The following SYT1 variants were observed in gnomAD, a reference collection of about 807,000 sequenced individuals.
The protein encoded by SYT1 is synaptotagmin 1, also known as synaptotagmin-1.
In SYT1, 8 loss-of-function variants were observed where a neutral mutation model predicts 44.8. That is an observed-to-expected ratio of 0.18 (90% confidence interval 0.10 to 0.32). The LOEUF is 0.32. Ranked by LOEUF, SYT1 falls within the 10% of genes least tolerant of loss-of-function variation. The pLI is 1.00. For missense variants in SYT1, 286 were observed against 509.3 expected (o/e 0.56, Z 4.22); for synonymous variants, 154 against 188.8 (o/e 0.82, Z 1.51).
At chr12:79,380,629 C>T (rs536929925) in intron 9 of SYT1, among the ~76,000 whole-genome samples, 4 of 152,324 alleles carry the variant, frequency 2.6e-5, no homozygotes, top group Admixed American at 1.3e-4. Flanking sequence ...CTCAAGCAAT[C>T]CTTCCACCTC....
At chr12:79,424,489 A>C (rs941804654) in intron 9 of SYT1, among the ~76,000 whole-genome samples, 19 of 152,154 alleles carry the variant, frequency 1.2e-4, no homozygotes, top group African/African-American at 4.3e-4. Flanking sequence ...AACAGGCATA[A>C]GCATATAGAC....
chr12:79,211,684 T>C (rs1224301811), intron 3 of SYT1, among the ~76,000 whole-genome samples: 2 of 148,974 alleles, frequency 1.3e-5, no homozygotes, highest in African/African-American at 4.9e-5. Context: ...AGTGAGAATA[T>C]GCGGTGTTTG....
intron 2 of SYT1, among the ~76,000 whole-genome samples, chr12:79,037,612 CA>C (rs1011765907): frequency 2.2e-4 from 34 of 151,534 alleles, no homozygotes; most frequent in African/African-American, 8.2e-4. Context: ...GGTTAGACAA[CA>C]AAAGAGAAAA....
At chr12:79,194,046 T>C (rs1190784558) in intron 3 of SYT1, among the ~76,000 whole-genome samples, 1 of 152,140 alleles carries the variant, frequency 6.6e-6, no homozygotes, top group Non-Finnish European at 1.5e-5. Context: ...GCACTGCAAC[T>C]CGTATAAAAT....
intron 3 of SYT1, among the ~76,000 whole-genome samples, chr12:79,107,912 A>G (rs576883745): frequency 2.3e-4 from 35 of 152,126 alleles, no homozygotes; most frequent in Non-Finnish European, 4.6e-4. Flanking sequence ...AACTAAATAA[A>G]CAGAGAGATG....
intron 9 of SYT1, among the ~76,000 whole-genome samples, chr12:79,434,983 T>C (rs779208739): frequency 3.3e-5 from 5 of 152,104 alleles, no homozygotes; most frequent in Admixed American, 6.6e-5. Flanking sequence ...GATAGACACA[T>C]AACTCAACCT....
At chr12:79,194,264 G>A (rs941710001) in intron 3 of SYT1, among the ~76,000 whole-genome samples, 2 of 152,064 alleles carry the variant, frequency 1.3e-5, no homozygotes, top group African/African-American at 4.8e-5. Context: ...GAGCCATATT[G>A]TATGAAAAAT....
intron 1 of SYT1, among the ~76,000 whole-genome samples, chr12:78,871,987 G>A (rs1592510117): frequency 6.6e-6 from 1 of 151,792 alleles, no homozygotes; most frequent in South Asian, 2.1e-4. Flanking sequence ...AAGTACTAGG[G>A]TTTTATCTGT....
intron 1 of SYT1, among the ~76,000 whole-genome samples, chr12:78,971,017 A>T (rs898760908): frequency 6.6e-6 from 1 of 152,202 alleles, no homozygotes; most frequent in African/African-American, 2.4e-5. Context: ...ACAAAAAGTT[A>T]GCAGGGTGTG....
At chr12:78,879,145 T>G (rs1874327260) in intron 1 of SYT1, among the ~76,000 whole-genome samples, 1 of 151,654 alleles carries the variant, frequency 6.6e-6, no homozygotes, top group Admixed American at 6.6e-5. Context: ...ATAAGCTGCA[T>G]CAGGAAAATG....
At chr12:79,046,321 T>C (rs563606782) in intron 2 of SYT1, 1 of 152,314 alleles carries the variant, frequency 6.6e-6, no homozygotes, top group Admixed American at 6.5e-5. Flanking sequence ...TGAAAATAGA[T>C]GCCATGAGAA....
At chr12:79,340,268 C>A (rs1404561935) in intron 8 of SYT1, among the ~76,000 whole-genome samples, 2 of 152,142 alleles carry the variant, frequency 1.3e-5, no homozygotes, top group African/African-American at 2.4e-5. Flanking sequence ...GGCAGTATGG[C>A]CATTTTCATG....
At chr12:78,906,973 C>G (rs1196390157) in intron 1 of SYT1, among the ~76,000 whole-genome samples, 1 of 152,016 alleles carries the variant, frequency 6.6e-6, no homozygotes, top group Non-Finnish European at 1.5e-5. Context: ...ACTGCTATAA[C>G]TTTTGATGTA....
At position 78,931,219 on chromosome 12, in the gene SYT1, GAAAGAAAGAAAGAAA is replaced by G. The variant is rs1157011706; in HGVS notation, c.-216-46579_-216-46565del. 2.1e-3 allele frequency among the ~76,000 whole-genome samples: 120 copies of G among 57,468 alleles called. 5 individuals are homozygous for G. The highest frequency in any genetic ancestry group is 8.7e-3 in the African/African-American group (91 of 10,436). 37.7% of individuals were successfully genotyped at this position (57,468 alleles called of 152,430 possible). On this transcript the variant is annotated intron_variant, in intron 1 of 10. Transcript: ENST00000261205. ...AGAAAGAAAGAAAGAAAGAAAGAAA[GAAAGAAAGAAAGAAA>G]GAAAGAAGGAAGGAAGGAAGGAAGG...
intron 3 of SYT1, among the ~76,000 whole-genome samples, chr12:79,112,359 C>A (rs1879061434): frequency 6.6e-6 from 1 of 151,838 alleles, no homozygotes; most frequent in Admixed American, 6.6e-5. Context: ...TGGAGAGAGC[C>A]AGTTTAGTAA....
intron 3 of SYT1, among the ~76,000 whole-genome samples, chr12:79,178,964 A>T (rs1203229917): frequency 1.1e-5 from 1 of 92,568 alleles, no homozygotes; most frequent in Non-Finnish European, 2.0e-5. Context: ...AGATATAGAT[A>T]TAGATATATA....
At chr12:79,102,764 T>C (rs946833036) in intron 3 of SYT1, among the ~76,000 whole-genome samples, 8 of 152,160 alleles carry the variant, frequency 5.3e-5, no homozygotes, top group African/African-American at 1.9e-4. Context: ...TAAAATGAGA[T>C]TGAGGTTTGC....
intron 9 of SYT1, among the ~76,000 whole-genome samples, chr12:79,435,953 G>A (rs1870064798): frequency 6.6e-6 from 1 of 152,088 alleles, no homozygotes; most frequent in Admixed American, 6.6e-5. Flanking sequence ...GGATATCTAT[G>A]GAAGTTATAC....
At chr12:78,893,111 C>T (rs1164612964) in intron 1 of SYT1, among the ~76,000 whole-genome samples, 1 of 151,704 alleles carries the variant, frequency 6.6e-6, no homozygotes, top group Non-Finnish European at 1.5e-5. Context: ...TATGCATGTA[C>T]TTACTGAGGA....
Sources: allele counts gnomAD v4.1 joint callset (sites outside exome capture counted in the v4.1 genomes callset), GRCh38; gene constraint gnomAD v4.1.1; transcripts MANE v1.5; gene names NCBI Gene and HGNC (gene_info 2026-07-23, HGNC 2026-07-21).